Variants in CHIA observed in about 807,000 individuals in gnomAD.
CHIA encodes the protein acidic mammalian chitinase.
In CHIA, 47 loss-of-function variants were observed where a neutral mutation model predicts 53.5. The observed-to-expected ratio is 0.88, with a 90% CI of 0.70 to 1.12. The LOEUF (loss-of-function observed/expected upper bound fraction) is 1.12. Among genes scored for constraint, CHIA ranks in the 50% most tolerant of loss-of-function variants. CHIA has a pLI of 0.00. For missense variants in CHIA, 652 were observed against 592.2 expected (o/e 1.10, Z -1.05); for synonymous variants, 268 against 222.2 (o/e 1.21, Z -1.83).
chr1:111,318,456 C>T (rs1487037576), intron 8 of CHIA, 37 bp from the exon 9 acceptor site: 1 of 1,569,632 alleles, frequency 6.4e-7, no homozygotes, highest in South Asian at 1.2e-5. Flanking sequence ...GGGTCCTCAG[C>T]TGGTTGGGCC....
chr1:111,314,603 C>G lies in CHIA; in HGVS notation c.314+7C>G. 6.2e-7 allele frequency: 1 copy of G among 1,609,090 alleles called. No homozygotes were observed. Among genetic ancestry groups the G allele is most frequent in the Non-Finnish European group, 8.5e-7 (1 of 1,175,484 alleles). On this transcript the variant is annotated splice_region_variant and intron_variant, in intron 5 of 11. Coordinates refer to ENST00000369740, the MANE Select transcript of CHIA (RefSeq NM_201653.4). ...GGAACTTCGGGACTGCCCCGTAAGT[C>G]TTCTATGGAGAGCATGTTGTTCGTT...
At chr1:111,310,097 C>T (rs1320055246) in intron 1 of CHIA, among the ~76,000 whole-genome samples, 1 of 152,166 alleles carries the variant, frequency 6.6e-6, no homozygotes, top group African/African-American at 2.4e-5. Context: ...TCCATAAAGA[C>T]TTGCTTTGAT....
chr1:111,318,428 C>A (rs2101653168), intron 8 of CHIA, 65 bp from the exon 9 acceptor site: 3 of 1,324,740 alleles, frequency 2.3e-6, no homozygotes. Flanking sequence ...GAATAGGGGA[C>A]TAATATAACT....
chr1:111,307,091 A>T (rs550064100), intron 1 of CHIA, among the ~76,000 whole-genome samples: 2 of 152,244 alleles, frequency 1.3e-5, no homozygotes, highest in Non-Finnish European at 2.9e-5. Context: ...GGGCAATTCC[A>T]TTCCTAGGTG....
intron 4 of CHIA, among the ~76,000 whole-genome samples, chr1:111,313,019 T>C (rs1349378599): frequency 2.0e-5 from 3 of 152,200 alleles, no homozygotes; most frequent in Non-Finnish European, 4.4e-5. Flanking sequence ...ATTCATTGTA[T>C]ATAAAGACCA....
At chr1:111,312,725 A>T (rs964897509) in intron 4 of CHIA, among the ~76,000 whole-genome samples, 1 of 152,210 alleles carries the variant, frequency 6.6e-6, no homozygotes, top group East Asian at 1.9e-4. Context: ...ACCATGTTGT[A>T]CAATAGACCT....
At chr1:111,317,311 A>C (rs1649237891) in intron 6 of CHIA, 1 of 199,550 alleles carries the variant, frequency 5.0e-6, no homozygotes, top group African/African-American at 2.3e-5. Flanking sequence ...AAAGTAGTTC[A>C]TCTACTTTAT....
chr1:111,297,901 C>CAAAAAAAAAAAAAAAAAAAAA lies in CHIA; in HGVS notation c.-69+6955_-69+6975dup, dbSNP rs1188512345. Among the ~76,000 whole-genome samples the CAAAAAAAAAAAAAAAAAAAAA allele has an allele frequency of 4.4e-4, 14 of 31,844 alleles. 1 individual carries two copies. Among genetic ancestry groups the CAAAAAAAAAAAAAAAAAAAAA allele is most frequent in the African/African-American group, 8.8e-4 (6 of 6,856 alleles). The allele number at this position is 31,844 out of a possible 152,430, so 20.9% of individuals were successfully genotyped here. A position where few individuals can be genotyped will look rare whatever the true frequency, so the allele number is the denominator to read the frequency against. The stretch of plus-strand genomic sequence containing the variant: ...GAAGATCTACCAAGCAAATGGAAAG[C>CAAAAAAAAAAAAAAAAAAAAA]AAAAAAAAAAAAAAAAAAAAAAAAC... On this transcript the variant is annotated intron_variant, in intron 1 of 11. Coordinates refer to ENST00000369740, the MANE Select transcript of CHIA (RefSeq NM_201653.4).
Position 111,318,570 on chromosome 1 carries a change from C to T in CHIA, c.807C>T (p.His269=). The change falls in exon 9 of 12, where the codon CAC becomes CAT. Residue 269 remains histidine, a synonymous_variant. Transcript: ENST00000369740. ...KLIVGFPTYG[H]NFILSNPSNT... is the part of the protein sequence containing the mutation. ...TCGTTGGATTCCCTACCTATGGACACAACTTCATCCTGAGCAACCCCTCCA... is the reference window on the plus strand; with the variant it reads ...TCGTTGGATTCCCTACCTATGGACATAACTTCATCCTGAGCAACCCCTCCA... The T allele has an allele frequency of 6.2e-7, 1 of 1,614,218 alleles. No individual in the cohort carries two copies. The highest frequency in any genetic ancestry group is 8.5e-7 in the Non-Finnish European group (1 of 1,180,032).
At chr1:111,305,301 T>A (rs4400607) in intron 1 of CHIA, among the ~76,000 whole-genome samples, 1 of 152,150 alleles carries the variant, frequency 6.6e-6, no homozygotes, top group Non-Finnish European at 1.5e-5. Context: ...CCCTTTACAT[T>A]GCCCAAATGT....
rs757756209 is a variant in CHIA, at chr1:111,320,314, A to G, written c.1279A>G (p.Ser427Gly). 3.7e-6 allele frequency: 6 copies of G among 1,614,130 alleles called. No homozygotes were observed. Among genetic ancestry groups the G allele is most frequent in the Admixed American group, 1.7e-5 (1 of 60,014 alleles). ...CAGCTCTGGAGGCAGCTCGGGAGGC[A>G]GTGGATTCTGTGCTGTCAGAGCCAA... ...SSSSGGSSGGSGFCAVRANGL... is the reference protein window; with the variant it reads ...SSSSGGSSGGGGFCAVRANGL... Residue 427 changes from serine (S) to glycine (G), a missense_variant, in exon 12 of 12, where the codon AGT (serine) becomes GGT (glycine). Ser to Gly is a moderately conservative substitution (Grantham distance 56). Coordinates refer to ENST00000369740, the MANE Select transcript of CHIA (RefSeq NM_201653.4).
chr1:111,309,762 T>C (rs1648511316), intron 1 of CHIA, among the ~76,000 whole-genome samples: 1 of 152,222 alleles, frequency 6.6e-6, no homozygotes, highest in Non-Finnish European at 1.5e-5. Flanking sequence ...ATGAAGAGAC[T>C]CATTTCAATA....
chr1:111,315,231 C>T (rs1250326540), intron 5 of CHIA, 39 bp from the exon 6 acceptor site: 5 of 1,548,000 alleles, frequency 3.2e-6, no homozygotes, highest in Non-Finnish European at 4.4e-6. Flanking sequence ...GTGTTGGGAC[C>T]ACCAAGGTCT....
intron 1 of CHIA, among the ~76,000 whole-genome samples, chr1:111,297,346 A>G (rs970929024): frequency 1.5e-4 from 23 of 152,254 alleles, no homozygotes; most frequent in African/African-American, 5.3e-4. Flanking sequence ...TTACCCACAA[A>G]GGAAAACCCA....
At chr1:111,307,146 G>A (rs1648247573) in intron 1 of CHIA, among the ~76,000 whole-genome samples, 1 of 152,180 alleles carries the variant, frequency 6.6e-6, no homozygotes, top group South Asian at 2.1e-4. Context: ...AGAGACATGT[G>A]TACAGGAACG....
intron 1 of CHIA, among the ~76,000 whole-genome samples, chr1:111,301,698 C>G (rs1222471395): frequency 8.1e-6 from 1 of 123,086 alleles, no homozygotes; most frequent in Non-Finnish European, 1.7e-5. Context: ...AAGCAAGACT[C>G]TCTCTCCAAA....
At chr1:111,295,759 C>T (rs954744037) in intron 1 of CHIA, among the ~76,000 whole-genome samples, 6 of 152,198 alleles carry the variant, frequency 3.9e-5, no homozygotes, top group African/African-American at 9.7e-5. Context: ...GGTGGGGCAT[C>T]ACCTCACCCA....
At position 111,311,669 on chromosome 1, in the gene CHIA, T is replaced by C. The variant is rs1318797370; in HGVS notation, c.26-20T>C. 2 of 1,613,862 alleles carry C rather than the reference T, an allele frequency of 1.2e-6. No homozygotes were observed. The highest frequency in any genetic ancestry group is 2.7e-5 in the African/African-American group (2 of 74,910). On this transcript the variant is annotated intron_variant, in intron 2 of 11. Transcript: ENST00000369740. ...GTACAGACAATCGGTTCAAAGTACA[T>C]GCTTTTTCTTTCTATCCAGGTCTTG...
chr1:111,293,998 C>T (rs186562841), intron 1 of CHIA, among the ~76,000 whole-genome samples: 4 of 152,280 alleles, frequency 2.6e-5, no homozygotes, highest in East Asian at 3.9e-4. Flanking sequence ...GGGAGGATTG[C>T]TCGAGCCCAG....
Sources: gnomAD v4.1 joint callset for allele counts (sites outside exome capture counted in the v4.1 genomes callset) on GRCh38, gnomAD v4.1.1 for gene constraint, MANE v1.5 for transcripts, NCBI Gene and HGNC (gene_info 2026-07-23, HGNC 2026-07-21) for gene names.